The following FRY variants were observed in gnomAD, a reference collection of about 807,000 sequenced individuals.
FRY encodes protein furry homolog.
In FRY, 128 loss-of-function variants were observed where a neutral mutation model predicts 348.4. The observed-to-expected ratio is 0.37, with a 90% CI of 0.32 to 0.43. The LOEUF (loss-of-function observed/expected upper bound fraction) is 0.43. Ranked by LOEUF, FRY falls within the 20% of genes least tolerant of loss-of-function variation. FRY has a pLI of 1.00. For missense variants in FRY, 2,736 were observed against 3,695.2 expected (o/e 0.74, Z 6.73); for synonymous variants, 1,370 against 1,374.7 (o/e 1.00, Z 0.08).
At chr13:32,097,931 A>T (rs192408200) in intron 2 of FRY, among the ~76,000 whole-genome samples, 1,564 of 151,874 alleles carry the variant, frequency 0.01, 5 homozygotes, top group Non-Finnish European at 0.016. Context: ...ATTTTACCAC[A>T]ATAAAGAGTA....
chr13:32,228,619 G>T lies in FRY; in HGVS notation c.5370G>T (p.Glu1790Asp), dbSNP rs749246113. ...EDVDTAAETD[E>D]KANKLIEFLT... ...TGGACACAGCTGCTGAAACAGATGAGAAGGCAAACAAGCTCATTGAGTTTC... is the reference window on the plus strand; with the variant it reads ...TGGACACAGCTGCTGAAACAGATGATAAGGCAAACAAGCTCATTGAGTTTC... The change falls in exon 40 of 61, where the codon GAG becomes GAT. Residue 1790 changes from glutamate (E) to aspartate (D), a missense_variant. By Grantham distance (45) the Glu-to-Asp change is conservative (BLOSUM62 2). This residue lies in a region of FRY where 794 missense variants were observed against 977.0 expected (regional missense o/e 0.81). Coordinates refer to ENST00000542859, the MANE Select transcript of FRY (RefSeq NM_023037.3). 4.3e-6 allele frequency: 7 copies of T among 1,614,012 alleles called. No homozygotes were observed. The East Asian group carries it at 1.6e-4, about 36-fold the overall frequency.
chr13:32,093,633 C>T (rs1373915808), intron 2 of FRY, among the ~76,000 whole-genome samples: 3 of 152,140 alleles, frequency 2.0e-5, no homozygotes, highest in African/African-American at 7.2e-5. Context: ...TCAGAAGGGA[C>T]GTAATGTCTG....
chr13:32,059,188 T>A (rs949132226), intron 1 of FRY, among the ~76,000 whole-genome samples: 1 of 152,106 alleles, frequency 6.6e-6, no homozygotes, highest in Non-Finnish European at 1.5e-5. Flanking sequence ...TTTTTTCATA[T>A]TCCTACAAGG....
At chr13:32,190,602 A>G (rs1206654560) in intron 28 of FRY, among the ~76,000 whole-genome samples, 2 of 152,150 alleles carry the variant, frequency 1.3e-5, no homozygotes, top group African/African-American at 4.8e-5. Context: ...TTAACATTAA[A>G]CACTCAGGAA....
intron 50 of FRY, 48 bp from the exon 51 acceptor site, chr13:32,254,176 A>C (rs1232473149): frequency 6.2e-7 from 1 of 1,600,694 alleles, no homozygotes; most frequent in Non-Finnish European, 8.6e-7. Flanking sequence ...CGTAGCACAA[A>C]CAACCAAAGG....
intron 55 of FRY, among the ~76,000 whole-genome samples, chr13:32,271,982 T>C (rs1315809069): frequency 6.6e-6 from 1 of 152,194 alleles, no homozygotes; most frequent in Non-Finnish European, 1.5e-5. Context: ...TCAATCACCC[T>C]ATGGAGCTTA....
intron 40 of FRY, among the ~76,000 whole-genome samples, chr13:32,230,928 A>G (rs895269765): frequency 6.6e-6 from 1 of 152,076 alleles, no homozygotes; most frequent in Non-Finnish European, 1.5e-5. Flanking sequence ...AGCTTTTTTT[A>G]TATAATTGTT....
At chr13:32,171,407 T>C (rs551443590) in intron 18 of FRY, 137 bp downstream of exon 18, 10 of 709,354 alleles carry the variant, frequency 1.4e-5, no homozygotes, top group Non-Finnish European at 2.1e-5. Flanking sequence ...CACCTCCTGG[T>C]TCAAGTGATT....
intron 41 of FRY, among the ~76,000 whole-genome samples, chr13:32,233,683 C>CA (rs924361912): frequency 2.0e-5 from 3 of 151,582 alleles, no homozygotes; most frequent in Non-Finnish European, 4.4e-5. Context: ...AACAAACTTA[C>CA]AAAAAAAGGA....
At chr13:32,179,934 A>G (rs1593703771) in intron 23 of FRY, 135 bp downstream of exon 23, 2 of 843,332 alleles carry the variant, frequency 2.4e-6, no homozygotes, top group East Asian at 2.4e-5. Context: ...TTCCCACTAC[A>G]TCGTCTTGGT....
chr13:32,038,741 A>G (rs1872642094), intron 1 of FRY: 1 of 152,184 alleles, frequency 6.6e-6, no homozygotes, highest in Non-Finnish European at 1.5e-5. Context: ...GACCATCTTT[A>G]CTTACCTTTC....
At chr13:32,286,747 CAAAAAAAAAAAAAA>C (rs6144991) in intron 58 of FRY, among the ~76,000 whole-genome samples, 67 of 77,494 alleles carry the variant, frequency 8.6e-4, no homozygotes, top group African/African-American at 3.5e-3. Flanking sequence ...GACTCTGTCT[CAAAAAAAAAAAAAA>C]AAAAAAAAAA....
intron 35 of FRY, among the ~76,000 whole-genome samples, chr13:32,214,109 A>G (rs1210395866): frequency 2.6e-5 from 4 of 152,344 alleles, no homozygotes; most frequent in Admixed American, 6.5e-5. Context: ...GGACACCACT[A>G]TTCCGTTGAT....
intron 3 of FRY, among the ~76,000 whole-genome samples, chr13:32,102,674 A>G (rs1309058052): frequency 6.6e-6 from 1 of 152,228 alleles, no homozygotes; most frequent in Non-Finnish European, 1.5e-5. Flanking sequence ...TCTAAACAGT[A>G]GGTAATAAAC....
intron 36 of FRY, among the ~76,000 whole-genome samples, chr13:32,223,313 G>A (rs938715036): frequency 1.3e-5 from 2 of 152,174 alleles, no homozygotes; most frequent in African/African-American, 4.8e-5. Context: ...TTTTCATAGA[G>A]ATGGGAATTC....
rs367676115 is a variant in FRY at position 32,239,241 on chromosome 13, C to T, written c.6419-11C>T. On this transcript the variant is annotated splice_polypyrimidine_tract_variant and intron_variant, in intron 44 of 60. Coordinates refer to ENST00000542859, the MANE Select transcript of FRY (RefSeq NM_023037.3). This position sits in a 1 kb window ranked among gnomAD's most constrained non-coding sequence, Gnocchi z 4.3. ...TATTCAGCTATCTCCATTGTATCTTCTCTAATCCAGGGTTTCCACTGAATG... is the reference window on the plus strand; with the variant it reads ...TATTCAGCTATCTCCATTGTATCTTTTCTAATCCAGGGTTTCCACTGAATG... 2.6e-6 allele frequency: 4 copies of T among 1,518,574 alleles called. No individual in the cohort carries two copies. Among genetic ancestry groups the T allele is most frequent in the Admixed American group, 1.7e-5 (1 of 59,904 alleles). 94.1% of individuals were successfully genotyped at this position (1,518,574 alleles called of 1,614,324 possible). A position where few individuals can be genotyped will look rare whatever the true frequency, so the allele number is the denominator to read the frequency against.
chr13:32,053,757 A>G (rs1486841776), intron 1 of FRY, among the ~76,000 whole-genome samples: 1 of 152,248 alleles, frequency 6.6e-6, no homozygotes, highest in African/African-American at 2.4e-5. Context: ...AAGGTGAAAT[A>G]TGGAAAAACA....
At chr13:32,045,724 T>C (rs1872985966) in intron 1 of FRY, among the ~76,000 whole-genome samples, 1 of 152,198 alleles carries the variant, frequency 6.6e-6, no homozygotes, top group Admixed American at 6.5e-5. Flanking sequence ...AGTGATATCA[T>C]TGGAGTATTA....
At position 32,202,215 on chromosome 13, in the gene FRY, AC is replaced by A. The variant is rs200078893; in HGVS notation, c.3847-140del. ...AATCTTTTGTAAACATACTAATTAA[AC>A]TGATGTTTTACCTTTAATTCTATTT... On this transcript the variant is annotated intron_variant, in intron 30 of 60. Transcript: ENST00000542859. The A allele has an allele frequency of 5.4e-4, 423 of 790,544 alleles. 1 individual carries two copies. The African/African-American group carries it at 6.5e-3, about 12-fold the overall frequency. The allele number at this position is 790,544 out of a possible 1,614,324, so 49.0% of individuals were successfully genotyped here.
Sources: allele counts gnomAD v4.1 joint callset (sites outside exome capture counted in the v4.1 genomes callset), GRCh38; gene constraint gnomAD v4.1.1; regional missense constraint gnomAD v4.1.1; non-coding constraint Gnocchi (gnomAD v3.1); transcripts MANE v1.5; gene names NCBI Gene and HGNC (gene_info 2026-07-23, HGNC 2026-07-21).